Variants in CYP7B1 observed in about 807,000 individuals in gnomAD.
CYP7B1 encodes the protein cytochrome P450 7B1.
Under a neutral mutation model 42.7 loss-of-function variants are expected in CYP7B1, and 29 were observed. The observed-to-expected ratio is 0.68, with a 90% CI of 0.51 to 0.93. The LOEUF (loss-of-function observed/expected upper bound fraction) is 0.93, where lower values mean the gene tolerates loss of function less well. CYP7B1 is among the 40% of genes least tolerant of loss of function. CYP7B1 has a pLI of 0.00. For missense variants in CYP7B1, 655 were observed against 600.5 expected, an observed-to-expected ratio of 1.09 and a Z score of -0.95; for synonymous variants, 235 against 218.2, an observed-to-expected ratio of 1.08 and a Z score of -0.68.
chr8:64,693,462 C>T (rs1400281388), intron 1 of CYP7B1, among the ~76,000 whole-genome samples: 2 of 152,314 alleles, frequency 1.3e-5, no homozygotes, highest in East Asian at 1.9e-4. Context: ...CAGTACCATA[C>T]CTCTGCTTCA....
intron 1 of CYP7B1, among the ~76,000 whole-genome samples, chr8:64,652,403 A>G (rs1461082539): frequency 2.0e-5 from 3 of 152,240 alleles, no homozygotes; most frequent in African/African-American, 7.2e-5. Context: ...CACACACTCT[A>G]AAATTGACCA....
chr8:64,667,660 TG>T (rs1806301929), intron 1 of CYP7B1, among the ~76,000 whole-genome samples: 1 of 152,202 alleles, frequency 6.6e-6, no homozygotes, highest in South Asian at 2.1e-4. Flanking sequence ...AGGTATCAGT[TG>T]GGTACCTTGC....
At chr8:64,610,660 TA>T (rs569953167) in intron 4 of CYP7B1, among the ~76,000 whole-genome samples, 1 of 152,076 alleles carries the variant, frequency 6.6e-6, no homozygotes, top group African/African-American at 2.4e-5. Context: ...TCATTTTTAT[TA>T]AAAAAATACC....
chr8:64,704,442 A>T (rs1050562543), intron 1 of CYP7B1, among the ~76,000 whole-genome samples: 1 of 151,936 alleles, frequency 6.6e-6, no homozygotes, highest in African/African-American at 2.4e-5. Context: ...TAACATCTCA[A>T]TGTGTAGCAT....
intron 1 of CYP7B1, among the ~76,000 whole-genome samples, chr8:64,746,852 G>A (rs1392209631): frequency 6.6e-6 from 1 of 151,888 alleles, no homozygotes; most frequent in Non-Finnish European, 1.5e-5. Flanking sequence ...ACTCTTATTA[G>A]TAACTACCTT....
chr8:64,661,673 T>C (rs1806201537), intron 1 of CYP7B1, among the ~76,000 whole-genome samples: 1 of 152,158 alleles, frequency 6.6e-6, no homozygotes, highest in South Asian at 2.1e-4. Context: ...CAGCAGGACT[T>C]CTGTTGATTT....
At chr8:64,779,040 G>T (rs908747850) in intron 1 of CYP7B1, among the ~76,000 whole-genome samples, 1 of 152,220 alleles carries the variant, frequency 6.6e-6, no homozygotes, top group African/African-American at 2.4e-5. Context: ...AAGTCCAAAT[G>T]TGTGTAAATG....
At chr8:64,668,673 GT>G (rs1330101625) in intron 1 of CYP7B1, among the ~76,000 whole-genome samples, 1 of 112,634 alleles carries the variant, frequency 8.9e-6, no homozygotes. Context: ...GTTTTGGTTT[GT>G]TTTTTTTTAA....
At chr8:64,657,083 A>G (rs1156683562) in intron 1 of CYP7B1, among the ~76,000 whole-genome samples, 1 of 152,134 alleles carries the variant, frequency 6.6e-6, no homozygotes, top group Non-Finnish European at 1.5e-5. Flanking sequence ...TGTGAAAAAC[A>G]AAAGCAAAGA....
downstream of CYP7B1, among the ~76,000 whole-genome samples, chr8:64,586,694 A>G (rs1475329688): frequency 1.3e-5 from 2 of 152,272 alleles, no homozygotes; most frequent in Non-Finnish European, 2.9e-5. Context: ...AAACCTGACT[A>G]TCAGAAACAT....
rs552227603 is a variant in CYP7B1, at chr8:64,628,434, C to T, written c.123-3895G>A. The stretch of plus-strand genomic sequence containing the variant: ...GAGGCTGAGGGCAGGTCACTTGAGG[C>T]TAGGAGTTGGAGACCAGCCTGATCA... On this transcript the variant is annotated intron_variant, in intron 1 of 5. Transcript: ENST00000310193. Among the ~76,000 whole-genome samples the T allele has an allele frequency of 2.6e-5, 4 of 151,794 alleles. No homozygotes were observed. In the South Asian group the frequency reaches 8.3e-4, roughly 32 times the overall value.
At chr8:64,643,655 T>G (rs1475407627) in intron 1 of CYP7B1, among the ~76,000 whole-genome samples, 1 of 152,154 alleles carries the variant, frequency 6.6e-6, no homozygotes, top group Non-Finnish European at 1.5e-5. Context: ...TTTGATAGTA[T>G]TTTACCCACA....
chr8:64,641,218 G>A (rs73689562), intron 1 of CYP7B1, among the ~76,000 whole-genome samples: 3,172 of 152,246 alleles, frequency 0.021, 137 homozygotes, highest in African/African-American at 0.073. Flanking sequence ...GGTAGCTAAA[G>A]GGTTTTCAAA....
At chr8:64,726,293 G>A (rs1299352034) in intron 1 of CYP7B1, among the ~76,000 whole-genome samples, 1 of 152,098 alleles carries the variant, frequency 6.6e-6, no homozygotes, top group Middle Eastern at 3.2e-3. Flanking sequence ...AAATCTACAA[G>A]TATCTGAGAA....
chr8:64,643,556 C>A (rs973201740), intron 1 of CYP7B1, among the ~76,000 whole-genome samples: 2 of 152,088 alleles, frequency 1.3e-5, no homozygotes, highest in Non-Finnish European at 2.9e-5. Flanking sequence ...GAGTGACTGG[C>A]AATTTCTTAA....
chr8:64,605,728 G>A (rs1805269044), intron 4 of CYP7B1, among the ~76,000 whole-genome samples: 1 of 151,976 alleles, frequency 6.6e-6, no homozygotes, highest in Admixed American at 6.6e-5. Flanking sequence ...GCGTGAATGG[G>A]TCCTAGAATA....
intron 1 of CYP7B1, among the ~76,000 whole-genome samples, chr8:64,731,071 T>C (rs1055718477): frequency 6.6e-6 from 1 of 152,192 alleles, no homozygotes; most frequent in African/African-American, 2.4e-5. Flanking sequence ...TCTCCAGCCA[T>C]TCTGAACTGT....
At chr8:64,656,710 A>G (rs533525672) in intron 1 of CYP7B1, among the ~76,000 whole-genome samples, 1 of 152,370 alleles carries the variant, frequency 6.6e-6, no homozygotes, top group African/African-American at 2.4e-5. Context: ...CTGAAAAAGA[A>G]GCCCAATTGT....
intron 4 of CYP7B1, among the ~76,000 whole-genome samples, chr8:64,614,688 T>C (rs1222864564): frequency 6.6e-6 from 1 of 152,206 alleles, no homozygotes; most frequent in Non-Finnish European, 1.5e-5. Flanking sequence ...CCCTAAATAC[T>C]TCTTGACAAG....
Sources: gnomAD v4.1 joint callset for allele counts (sites outside exome capture counted in the v4.1 genomes callset) on GRCh38, gnomAD v4.1.1 for gene constraint, MANE v1.5 for transcripts, NCBI Gene and HGNC (gene_info 2026-07-23, HGNC 2026-07-21) for gene names.